STK10: variants seen among roughly 807,000 people sequenced by gnomAD.
STK10 encodes the protein serine/threonine kinase 10.
A neutral mutation model predicts 113.8 loss-of-function variants in STK10; 78 were observed. The ratio of observed to expected loss-of-function variants is 0.69; its 90% CI spans 0.57 to 0.83. The LOEUF (loss-of-function observed/expected upper bound fraction) is 0.83. Among genes scored for constraint, STK10 ranks in the 40% least tolerant of loss-of-function variants. The probability of loss-of-function intolerance (pLI) is 0.00; values close to 1 mark genes in which losing one functional copy is unlikely to be tolerated. For synonymous variants in STK10, 465 were observed against 494.7 expected, an observed-to-expected ratio of 0.94 and a Z score of 0.80; for missense variants, 1,109 against 1,280.1, an observed-to-expected ratio of 0.87 and a Z score of 2.04.
At chr5:172,119,463 G>A (rs1200336171) in intron 3 of STK10, among the ~76,000 whole-genome samples, 2 of 152,070 alleles carry the variant, frequency 1.3e-5, no homozygotes, top group Non-Finnish European at 2.9e-5. Context: ...TGCCTGTAGT[G>A]CCAGCTACTT....
intron 3 of STK10, 83 bp from the exon 4 acceptor site, chr5:172,117,713 T>G: frequency 1.3e-6 from 2 of 1,565,404 alleles, no homozygotes; most frequent in Non-Finnish European, 1.7e-6. Flanking sequence ...CAGGGAGAAA[T>G]ATAAAAGCCA....
chr5:172,071,864 T>C (rs2113716214), intron 12 of STK10, among the ~76,000 whole-genome samples: 1 of 152,318 alleles, frequency 6.6e-6, no homozygotes, highest in East Asian at 1.9e-4. Context: ...CTGCATCTCC[T>C]TTGCTGTGTG....
At chr5:172,045,312 CT>C in intron 18 of STK10, 1 of 563,698 alleles carries the variant, frequency 1.8e-6, no homozygotes, top group Non-Finnish European at 3.3e-6. Flanking sequence ...TGCAAATCCC[CT>C]GGCAGGAAAA....
chr5:172,063,774 T>C (rs927657357), intron 13 of STK10, among the ~76,000 whole-genome samples: 1 of 152,194 alleles, frequency 6.6e-6, no homozygotes, highest in Non-Finnish European at 1.5e-5. Flanking sequence ...TTTCCTCTTC[T>C]GCGAATGGGA....
Position 172,187,980 on chromosome 5 carries a change from G to A in STK10, c.63C>T (p.Arg21=). The change falls in exon 1 of 19, where the codon CGC becomes CGT. Residue 21 remains arginine, a synonymous_variant. Coordinates refer to ENST00000176763, the MANE Select transcript of STK10 (RefSeq NM_005990.4). The surrounding 1 kb of genome is among the most constrained non-coding windows in gnomAD (Gnocchi z 4.6). The stretch of plus-strand genomic sequence containing the variant: ...GGTCGCGGCGGACGTGCTCATATTC[G>A]CGGGACTTTCTCTTCTCGAAGGTAG... ...RLSTFEKRKS[R]EYEHVRRDLD... The A allele has an allele frequency of 6.2e-7, 1 of 1,613,608 alleles. No homozygotes were observed. Among genetic ancestry groups the A allele is most frequent in the Non-Finnish European group, 8.5e-7 (1 of 1,179,800 alleles).
chr5:172,085,776 T>A (rs1768544190), intron 10 of STK10, among the ~76,000 whole-genome samples: 1 of 152,052 alleles, frequency 6.6e-6, no homozygotes, highest in Non-Finnish European at 1.5e-5. Context: ...AGAAAGAACC[T>A]AGGCCTCCTG....
intron 2 of STK10, among the ~76,000 whole-genome samples, chr5:172,141,422 CA>C (rs34851359): frequency 1.3e-5 from 2 of 150,398 alleles, no homozygotes; most frequent in African/African-American, 2.4e-5. Context: ...ACAAAAAATA[CA>C]AAAAAAAATT....
chr5:172,055,836 A>G, intron 15 of STK10, 60 bp from the exon 16 acceptor site: 1 of 1,367,186 alleles, frequency 7.3e-7, no homozygotes, highest in Non-Finnish European at 9.5e-7. Flanking sequence ...GAGCGTGGTC[A>G]CAGGCTAAAG....
rs912964885 is a variant in STK10 at position 172,120,600 on chromosome 5, G to A, written c.371-2970C>T. Among the ~76,000 whole-genome samples, 3 of 152,176 alleles carry A rather than the reference G, an allele frequency of 2.0e-5. No homozygotes were observed. The highest frequency in any genetic ancestry group is 4.8e-5 in the African/African-American group (2 of 41,448). ...CTAGCTGTGTGGTTACTGGCAAGTC[G>A]CCCAAGCTCTCTGGCCCTTCATTTC... On this transcript the variant is annotated intron_variant, in intron 3 of 18. Coordinates refer to ENST00000176763, the MANE Select transcript of STK10 (RefSeq NM_005990.4). The surrounding 1 kb of genome is among the most constrained non-coding windows in gnomAD (Gnocchi z 4.0).
chr5:172,078,073 C>A (rs1484051305), intron 12 of STK10, among the ~76,000 whole-genome samples: 1 of 152,206 alleles, frequency 6.6e-6, no homozygotes, highest in East Asian at 1.9e-4. Flanking sequence ...ATAGGCCAGA[C>A]CTCCCATTCC....
At chr5:172,137,455 A>G (rs966612333) in intron 2 of STK10, among the ~76,000 whole-genome samples, 1 of 152,206 alleles carries the variant, frequency 6.6e-6, no homozygotes, top group Non-Finnish European at 1.5e-5. Context: ...AGGAGATAAA[A>G]AAAAACTACG....
intron 2 of STK10, among the ~76,000 whole-genome samples, chr5:172,132,718 A>T (rs947485730): frequency 2.6e-5 from 4 of 152,198 alleles, no homozygotes; most frequent in South Asian, 2.1e-4. Context: ...CTGAGTGTCT[A>T]CCAGGGGCCC....
At chr5:172,074,956 G>A (rs1474692012) in intron 12 of STK10, among the ~76,000 whole-genome samples, 1 of 151,762 alleles carries the variant, frequency 6.6e-6, no homozygotes, top group Non-Finnish European at 1.5e-5. Flanking sequence ...GAGCTGCAGG[G>A]TGCAAGTAAG....
chr5:172,132,136 C>T (rs1769769385), intron 2 of STK10, among the ~76,000 whole-genome samples: 1 of 152,042 alleles, frequency 6.6e-6, no homozygotes, highest in Non-Finnish European at 1.5e-5. Flanking sequence ...ATAAAATGCA[C>T]TGAGACGATG....
At chr5:172,174,379 C>T (rs1770717394) in intron 1 of STK10, among the ~76,000 whole-genome samples, 1 of 152,070 alleles carries the variant, frequency 6.6e-6, no homozygotes, top group African/African-American at 2.4e-5. Flanking sequence ...ACCATATTGG[C>T]CAGGCTGGTC....
intron 12 of STK10, among the ~76,000 whole-genome samples, chr5:172,081,351 CAAAAAA>C (rs58173076): frequency 1.5e-5 from 1 of 68,614 alleles, no homozygotes; most frequent in Non-Finnish European, 2.9e-5. Context: ...ACTCCATCTC[CAAAAAA>C]AAAAAAAAAA....
intron 2 of STK10, among the ~76,000 whole-genome samples, chr5:172,134,997 A>G (rs1769822912): frequency 6.6e-6 from 1 of 152,198 alleles, no homozygotes; most frequent in African/African-American, 2.4e-5. Context: ...ATAAAGGACT[A>G]GTATCCAGAA....
At chr5:172,097,921 T>G (rs1344847996) in intron 7 of STK10, among the ~76,000 whole-genome samples, 7 of 152,180 alleles carry the variant, frequency 4.6e-5, no homozygotes, top group Non-Finnish European at 8.8e-5. Flanking sequence ...TGAGGTATCC[T>G]GAGTGAGGGC....
At position 172,070,600 on chromosome 5, in the gene STK10, G is replaced by A. The variant is rs1581140051; in HGVS notation, c.1990-5788C>T. ...CTACATTAAGAAACCATAAAAAGAAGAGCAATTTAAACCCAAGACTAATAT... is the reference window on the plus strand; with the variant it reads ...CTACATTAAGAAACCATAAAAAGAAAAGCAATTTAAACCCAAGACTAATAT... On this transcript the variant is annotated intron_variant, in intron 12 of 18. Transcript: ENST00000176763. Among the ~76,000 whole-genome samples, 6 of 152,010 alleles carry A rather than the reference G, an allele frequency of 3.9e-5. No homozygotes were observed. The South Asian group carries it at 1.3e-3, about 32-fold the overall frequency.
Sources: gnomAD v4.1 joint callset for allele counts (sites outside exome capture counted in the v4.1 genomes callset) on GRCh38, gnomAD v4.1.1 for gene constraint, Gnocchi (gnomAD v3.1) non-coding constraint, MANE v1.5 for transcripts, NCBI Gene and HGNC (gene_info 2026-07-23, HGNC 2026-07-21) for gene names.